Variants in LRRC7 observed in about 807,000 individuals in gnomAD.
The protein encoded by LRRC7 is leucine-rich repeat-containing protein 7.
A neutral mutation model predicts 175.7 loss-of-function variants in LRRC7; 23 were observed. That is an observed-to-expected ratio of 0.13 (90% CI 0.09 to 0.19). The LOEUF (loss-of-function observed/expected upper bound fraction) is 0.19. Among genes scored for constraint, LRRC7 ranks in the 10% least tolerant of loss-of-function variants. LRRC7 has a pLI of 1.00. For missense variants in LRRC7, 1,354 were observed against 1,904.7 expected, an observed-to-expected ratio of 0.71 and a Z score of 5.38; for synonymous variants, 685 against 680.9, an observed-to-expected ratio of 1.01 and a Z score of -0.09.
Position 70,038,915 on chromosome 1 carries a change from A to G in LRRC7, c.3091A>G (p.Ser1031Gly), listed in dbSNP as rs757516889. The change falls in exon 21 of 27, where the codon AGT becomes GGT. Residue 1031 changes from serine (S) to glycine (G), a missense_variant. Ser to Gly is a moderately conservative substitution (Grantham distance 56, BLOSUM62 0). Around this residue, in one of 4 missense-constraint regions of LRRC7, gnomAD observed 1,032 missense variants for 1,227.2 expected, o/e 0.84. Transcript: ENST00000651989. ...KMLGPEHGMSSMSRSQSVPML... is the reference protein window; with the variant it reads ...KMLGPEHGMSGMSRSQSVPML... ...GCTGGGACCAGAGCATGGTATGTCC[A>G]GTATGTCTCGAAGCCAGTCAGTCCC... 3.1e-6 allele frequency: 5 copies of G among 1,614,068 alleles called. No homozygotes were observed. The highest frequency in any genetic ancestry group is 1.7e-5 in the Admixed American group (1 of 60,032).
intron 1 of LRRC7, among the ~76,000 whole-genome samples, chr1:69,676,160 A>AC (rs1216804856): frequency 6.6e-6 from 1 of 151,890 alleles, no homozygotes; most frequent in East Asian, 1.9e-4. Flanking sequence ...TTATTCCACC[A>AC]CAAAAAGCCT....
chr1:69,643,655 C>T (rs1182151836), intron 1 of LRRC7, among the ~76,000 whole-genome samples: 1 of 152,056 alleles, frequency 6.6e-6, no homozygotes. Context: ...ACCCTAATCC[C>T]TCTCTCTGTT....
intron 4 of LRRC7, among the ~76,000 whole-genome samples, chr1:69,809,075 A>AC (rs1412527647): frequency 3.3e-5 from 5 of 152,162 alleles, no homozygotes; most frequent in Admixed American, 3.3e-4. Context: ...GACACAATAA[A>AC]AAATGGTAAA....
At chr1:70,092,226 T>C (rs1276455449) in intron 25 of LRRC7, among the ~76,000 whole-genome samples, 1 of 152,104 alleles carries the variant, frequency 6.6e-6, no homozygotes, top group African/African-American at 2.4e-5. Context: ...AAAAACAGAT[T>C]GGTTTTTCAT....
chr1:69,829,842 T>C (rs1680333102), intron 5 of LRRC7, among the ~76,000 whole-genome samples: 2 of 151,778 alleles, frequency 1.3e-5, no homozygotes, highest in Admixed American at 1.3e-4. Flanking sequence ...TGTATCCAGC[T>C]TGCTATGGAA....
At chr1:69,657,148 T>C (rs902493217) in intron 1 of LRRC7, among the ~76,000 whole-genome samples, 1 of 151,472 alleles carries the variant, frequency 6.6e-6, no homozygotes, top group Admixed American at 6.6e-5. Flanking sequence ...TACTGGTTAC[T>C]GACCTAAATT....
intron 1 of LRRC7, among the ~76,000 whole-genome samples, chr1:69,592,473 C>G (rs1646676920): frequency 6.6e-6 from 1 of 151,994 alleles, no homozygotes; most frequent in Non-Finnish European, 1.5e-5. Flanking sequence ...AACTTTTAAG[C>G]TTTAAGTCGT....
chr1:69,836,267 G>A (rs1474632632), intron 6 of LRRC7, among the ~76,000 whole-genome samples: 3 of 151,942 alleles, frequency 2.0e-5, no homozygotes, highest in Non-Finnish European at 4.4e-5. Context: ...CTTATGAACA[G>A]CATATACTTG....
intron 1 of LRRC7, among the ~76,000 whole-genome samples, chr1:69,588,360 C>CA (rs1357425251): frequency 4.0e-5 from 6 of 151,652 alleles, no homozygotes; most frequent in Non-Finnish European, 8.8e-5. Flanking sequence ...AAATGAATAG[C>CA]AAAAAAAGAA....
At chr1:69,891,041 C>A (rs1365149811) in intron 7 of LRRC7, among the ~76,000 whole-genome samples, 1 of 152,230 alleles carries the variant, frequency 6.6e-6, no homozygotes, top group African/African-American at 2.4e-5. Flanking sequence ...TCTTATCATT[C>A]ATGTATTCAC....
rs1465355990 is a variant in LRRC7 at position 70,131,775 on chromosome 1, T to C, written c.*9888T>C. Among the ~76,000 whole-genome samples, 4 of 152,200 alleles carry C rather than the reference T, an allele frequency of 2.6e-5. No individual in the cohort carries two copies. The highest frequency in any genetic ancestry group is 2.6e-4 in the Admixed American group (4 of 15,276). On this transcript the variant is annotated 3_prime_UTR_variant, in exon 27 of 27. Coordinates refer to ENST00000651989, the MANE Select transcript of LRRC7 (RefSeq NM_001370785.2). The stretch of plus-strand genomic sequence containing the variant: ...TTGGTATCTTATAGCCCAGTGTCTA[T>C]ACATTTACATGGGTAAAAGAATGCC...
chr1:70,039,613 A>G lies in LRRC7; in HGVS notation c.3789A>G (p.Ala1263=). 1.2e-6 allele frequency: 2 copies of G among 1,614,122 alleles called. No homozygotes were observed. The highest frequency in any genetic ancestry group is 1.7e-6 in the Non-Finnish European group (2 of 1,180,000). ...TRPVSARPTM[A]ALLEKIPSDY... Reference sequence around the variant, plus strand: ...CAGTTTCAGCTAGGCCTACTATGGCAGCTCTTTTGGAAAAAATACCATCTG... The same window carrying G: ...CAGTTTCAGCTAGGCCTACTATGGCGGCTCTTTTGGAAAAAATACCATCTG... Residue 1263 remains alanine (A), a synonymous_variant, in exon 21 of 27, where the codon GCA becomes GCG. Coordinates refer to ENST00000651989, the MANE Select transcript of LRRC7 (RefSeq NM_001370785.2).
intron 8 of LRRC7, among the ~76,000 whole-genome samples, chr1:69,954,343 T>C (rs955639589): frequency 6.6e-6 from 1 of 152,046 alleles, no homozygotes; most frequent in African/African-American, 2.4e-5. Context: ...CTCCCCACTG[T>C]ATAAAATAAA....
chr1:69,713,505 C>T (rs1261016586), intron 2 of LRRC7, among the ~76,000 whole-genome samples: 1 of 151,936 alleles, frequency 6.6e-6, no homozygotes, highest in Non-Finnish European at 1.5e-5. Context: ...CAAAAACAAA[C>T]AGAAAGAGCT....
At chr1:69,684,410 GA>G (rs1277165390) in intron 2 of LRRC7, among the ~76,000 whole-genome samples, 2 of 152,072 alleles carry the variant, frequency 1.3e-5, no homozygotes, top group Non-Finnish European at 1.5e-5. Context: ...AAGGCATAAG[GA>G]AAGAAAAAGA....
chr1:69,911,931 A>AC (rs1557879925), intron 7 of LRRC7, among the ~76,000 whole-genome samples: 1 of 152,068 alleles, frequency 6.6e-6, no homozygotes, highest in Non-Finnish European at 1.5e-5. Context: ...AAAAAAAAAA[A>AC]CTACAATAAT....
At position 69,781,688 on chromosome 1, in the gene LRRC7, GAAGA is replaced by G. The variant is rs1553155061; in HGVS notation, c.304-10310_304-10307del. Among the ~76,000 whole-genome samples, 294 of 43,950 alleles carry G rather than the reference GAAGA, an allele frequency of 6.7e-3. 12 individuals are homozygous for G. The highest frequency in any genetic ancestry group is 8.1e-3 in the Non-Finnish European group (204 of 25,142). The allele number at this position is 43,950 out of a possible 152,430, so 28.8% of individuals were successfully genotyped here. On this transcript the variant is annotated intron_variant, in intron 3 of 26. Transcript: ENST00000651989. ...CAGAGCAAGACTGTCTCAAAAAAAA[GAAGA>G]AAGAAAGAAAGAAAGAAAGAAAGAA...
chr1:69,771,686 G>T (rs1457190181), intron 3 of LRRC7, among the ~76,000 whole-genome samples: 1 of 152,238 alleles, frequency 6.6e-6, no homozygotes, highest in African/African-American at 2.4e-5. Context: ...TGCAAGCATT[G>T]TTCTAGGTGC....
intron 25 of LRRC7, among the ~76,000 whole-genome samples, chr1:70,097,367 G>C (rs1199068396): frequency 6.6e-6 from 1 of 152,172 alleles, no homozygotes; most frequent in Non-Finnish European, 1.5e-5. Context: ...GAATCAGTCT[G>C]ACTGAATATA....
Sources: gnomAD v4.1 joint callset for allele counts (sites outside exome capture counted in the v4.1 genomes callset) on GRCh38, gnomAD v4.1.1 for gene constraint, gnomAD v4.1.1 regional missense constraint, MANE v1.5 for transcripts, NCBI Gene and HGNC (gene_info 2026-07-23, HGNC 2026-07-21) for gene names.